The following SBF2 variants were observed in gnomAD, a reference collection of about 807,000 sequenced individuals.
SBF2 encodes the protein myotubularin-related protein 13.
In SBF2, 112 loss-of-function variants were observed where a neutral mutation model predicts 225.2. The ratio of observed to expected loss-of-function variants is 0.50; its 90% CI spans 0.43 to 0.58. SBF2 has a LOEUF of 0.58. SBF2 is among the 20% of genes least tolerant of loss of function. The pLI, the probability that SBF2 is intolerant of heterozygous loss-of-function variation, is 0.00. For missense variants in SBF2, 1,996 were observed against 2,206.2 expected, an observed-to-expected ratio of 0.90 and a Z score of 1.91; for synonymous variants, 763 against 773.3, an observed-to-expected ratio of 0.99 and a Z score of 0.22.
At chr11:9,783,838 T>C (rs1348668972) in intron 38 of SBF2, among the ~76,000 whole-genome samples, 1 of 152,190 alleles carries the variant, frequency 6.6e-6, no homozygotes, top group African/African-American at 2.4e-5. Flanking sequence ...GTGCCTCCTT[T>C]AGTAACCAGT....
chr11:10,299,495 T>G (rs1964576418), intron 1 of SBF2, among the ~76,000 whole-genome samples: 1 of 152,180 alleles, frequency 6.6e-6, no homozygotes, highest in East Asian at 1.9e-4. Flanking sequence ...TTTACTTAGA[T>G]CACATGTTTG....
At chr11:10,042,702 C>T (rs1949697530) in intron 3 of SBF2, 142 bp downstream of exon 3, 6 of 749,528 alleles carry the variant, frequency 8.0e-6, no homozygotes, top group South Asian at 6.9e-5. Context: ...TCCTCTCCAA[C>T]CTTAAACATA....
intron 2 of SBF2, among the ~76,000 whole-genome samples, chr11:10,184,047 A>AT (rs984544252): frequency 6.0e-4 from 91 of 152,354 alleles, no homozygotes; most frequent in African/African-American, 2.1e-3. Flanking sequence ...CACTAATTTG[A>AT]TTCCACCATT....
Position 9,832,404 on chromosome 11 carries a change from C to T in SBF2, c.3472G>A (p.Val1158Ile). ...SLCRSYPGLLVVPQAVQDSSL... is the reference protein window; with the variant it reads ...SLCRSYPGLLIVPQAVQDSSL... ...CTGTCCTGTACAGCTTGAGGTACGA[C>T]TAAAAGGCCAGGATAGCTTCAGAGA... Residue 1158 changes from valine to isoleucine, a missense_variant, in exon 27 of 40, where the codon GTC becomes ATC. By Grantham distance (29) the Val-to-Ile change is conservative (BLOSUM62 3). Coordinates refer to ENST00000256190, the MANE Select transcript of SBF2 (RefSeq NM_030962.4). 6.2e-7 allele frequency: 1 copy of T among 1,613,194 alleles called. No individual in the cohort carries two copies. Among genetic ancestry groups the T allele is most frequent in the Non-Finnish European group, 8.5e-7 (1 of 1,179,586 alleles).
intron 3 of SBF2, among the ~76,000 whole-genome samples, chr11:10,034,579 C>T (rs1190263854): frequency 2.0e-5 from 3 of 152,152 alleles, no homozygotes; most frequent in Non-Finnish European, 4.4e-5. Context: ...ACTGTTGCAT[C>T]CAACATCTTC....
At chr11:10,253,430 A>AAGAGTACATCACT (rs1960564883) in intron 1 of SBF2, among the ~76,000 whole-genome samples, 1 of 152,186 alleles carries the variant, frequency 6.6e-6, no homozygotes, top group Non-Finnish European at 1.5e-5. Context: ...TCTGCACATT[A>AAGAGTACATCACT]GTACTCTTTA....
intron 1 of SBF2, among the ~76,000 whole-genome samples, chr11:10,284,390 C>T (rs1963607622): frequency 6.6e-6 from 1 of 152,038 alleles, no homozygotes; most frequent in Non-Finnish European, 1.5e-5. Context: ...TCCCAATTAC[C>T]CTTTTATAAC....
chr11:10,219,905 C>T (rs1323545418), intron 1 of SBF2, among the ~76,000 whole-genome samples: 1 of 152,204 alleles, frequency 6.6e-6, no homozygotes, highest in East Asian at 1.9e-4. Flanking sequence ...GATTTTCTCA[C>T]ATCTTCTTGT....
rs1949122340 is a variant in SBF2 at position 10,028,314 on chromosome 11, T to C, written c.619+138A>G. On this transcript the variant is annotated intron_variant, in intron 6 of 39. Coordinates refer to ENST00000256190, the MANE Select transcript of SBF2 (RefSeq NM_030962.4). ...TAGGTAAGATCAGGACCCACAAAAT[T>C]ATATATCTCCTATATATAAAATATT... 8 of 645,504 alleles carry C rather than the reference T, an allele frequency of 1.2e-5. No individual in the cohort carries two copies. In the South Asian group the frequency reaches 1.4e-4, roughly 12 times the overall value. The allele number at this position is 645,504 out of a possible 1,614,324, so 40.0% of individuals were successfully genotyped here.
At chr11:10,090,474 A>T (rs893043954) in intron 2 of SBF2, among the ~76,000 whole-genome samples, 1 of 152,054 alleles carries the variant, frequency 6.6e-6, no homozygotes, top group African/African-American at 2.4e-5. Flanking sequence ...AGCACATAAA[A>T]CTATTAGACG....
intron 29 of SBF2, among the ~76,000 whole-genome samples, chr11:9,815,780 T>C (rs1854425541): frequency 6.6e-6 from 1 of 152,230 alleles, no homozygotes; most frequent in Non-Finnish European, 1.5e-5. Flanking sequence ...TAAAATTATC[T>C]ACTGTATCAG....
At chr11:10,062,780 T>C (rs1950495515) in intron 2 of SBF2, among the ~76,000 whole-genome samples, 1 of 152,124 alleles carries the variant, frequency 6.6e-6, no homozygotes, top group African/African-American at 2.4e-5. Context: ...AGCAGTACGG[T>C]GATTCCTCAA....
chr11:9,850,904 GGC>G (rs1235176884), intron 21 of SBF2, among the ~76,000 whole-genome samples: 3 of 152,162 alleles, frequency 2.0e-5, no homozygotes, highest in Admixed American at 2.0e-4. Context: ...GGGAGGTTGA[GGC>G]AGATGGATCA....
rs1564846778 is a variant in SBF2 at position 9,781,646 on chromosome 11, C to G, written c.5320-8G>C. The G allele has an allele frequency of 3.7e-6, 6 of 1,613,932 alleles. No individual in the cohort carries two copies. ...TGAGTCATAGTAGCGCAGCTGGAAC[C>G]AAAAGGATACAAGTGAGATATAAGA... On this transcript the variant is annotated splice_region_variant and splice_polypyrimidine_tract_variant and intron_variant, in intron 38 of 39. Transcript: ENST00000256190.
At chr11:9,925,853 T>C (rs1408121270) in intron 16 of SBF2, among the ~76,000 whole-genome samples, 2 of 152,208 alleles carry the variant, frequency 1.3e-5, no homozygotes, top group East Asian at 3.8e-4. Flanking sequence ...TAGAATACTG[T>C]TTAGAAAATT....
At chr11:10,097,460 C>T (rs1160087021) in intron 2 of SBF2, among the ~76,000 whole-genome samples, 1 of 152,110 alleles carries the variant, frequency 6.6e-6, no homozygotes, top group Admixed American at 6.5e-5. Flanking sequence ...CAGGCAAGTG[C>T]CTGTCTATTC....
chr11:9,977,449 T>C (rs369987352), intron 13 of SBF2, among the ~76,000 whole-genome samples: 15 of 150,448 alleles, frequency 1.0e-4, no homozygotes, highest in African/African-American at 3.7e-4. Flanking sequence ...ATCAAGCCAC[T>C]GCACTCCTTT....
chr11:9,953,197 G>A (rs1865961622), intron 16 of SBF2, among the ~76,000 whole-genome samples: 1 of 152,216 alleles, frequency 6.6e-6, no homozygotes, highest in African/African-American at 2.4e-5. Context: ...TGTAATCCCA[G>A]CACTTTGGGA....
chr11:10,216,825 G>T (rs1958151369), intron 1 of SBF2, among the ~76,000 whole-genome samples: 1 of 152,028 alleles, frequency 6.6e-6, no homozygotes, highest in African/African-American at 2.4e-5. Context: ...AGCCAAGATT[G>T]CACCACTGTA....
Sources: gnomAD v4.1 joint callset for allele counts (sites outside exome capture counted in the v4.1 genomes callset) on GRCh38, gnomAD v4.1.1 for gene constraint, MANE v1.5 for transcripts, NCBI Gene and HGNC (gene_info 2026-07-23, HGNC 2026-07-21) for gene names.